The following DNAJB6 variants were observed in gnomAD, a reference collection of about 807,000 sequenced individuals.
DNAJB6 encodes the protein dnaJ homolog subfamily B member 6.
DNAJB6 carries 16 observed loss-of-function variants against 42.7 expected under a neutral mutation model. The ratio of observed to expected loss-of-function variants is 0.37; its 90% CI spans 0.25 to 0.57. The LOEUF (loss-of-function observed/expected upper bound fraction) is 0.57. Among genes scored for constraint, DNAJB6 ranks in the 20% least tolerant of loss-of-function variants. The probability of loss-of-function intolerance (pLI) is 0.74; values close to 1 mark genes in which losing one functional copy is unlikely to be tolerated. For missense variants in DNAJB6, 347 were observed against 416.8 expected, an observed-to-expected ratio of 0.83 and a Z score of 1.46; for synonymous variants, 170 against 163.5, an observed-to-expected ratio of 1.04 and a Z score of -0.30.
At chr7:157,393,329 C>G (rs997474560) in intron 8 of DNAJB6, among the ~76,000 whole-genome samples, 4 of 152,104 alleles carry the variant, frequency 2.6e-5, no homozygotes, top group Non-Finnish European at 5.9e-5. Context: ...AATTGGAAAA[C>G]TCTATAAATT....
intron 8 of DNAJB6, among the ~76,000 whole-genome samples, chr7:157,404,700 G>T (rs557758326): frequency 6.6e-6 from 1 of 151,534 alleles, no homozygotes; most frequent in Non-Finnish European, 1.5e-5. Flanking sequence ...TAGTAGAGAC[G>T]GGGTCATGTT....
At position 157,337,078 on chromosome 7, in the gene DNAJB6, G is replaced by T. The variant is rs886062126; in HGVS notation, c.-93G>T. The T allele has an allele frequency of 1.3e-5, 2 of 152,694 alleles. No homozygotes were observed. Among genetic ancestry groups the T allele is most frequent in the Non-Finnish European group, 2.9e-5 (2 of 68,446 alleles). 9.5% of individuals were successfully genotyped at this position (152,694 alleles called of 1,614,324 possible). A position where few individuals can be genotyped will look rare whatever the true frequency, so the allele number is the denominator to read the frequency against. On this transcript the variant is annotated 5_prime_UTR_variant, in exon 1 of 10. Transcript: ENST00000262177. ...CCACCACCAGCGCAGCAGTCCTGGAGCTGTGAGGAGATTCGGGCCGTCACC... is the reference window on the plus strand; with the variant it reads ...CCACCACCAGCGCAGCAGTCCTGGATCTGTGAGGAGATTCGGGCCGTCACC...
intron 8 of DNAJB6, among the ~76,000 whole-genome samples, chr7:157,407,887 G>A (rs906591203): frequency 9.9e-5 from 15 of 152,200 alleles, no homozygotes; most frequent in Non-Finnish European, 1.5e-5. Flanking sequence ...CTCGCTCCCA[G>A]CCTGCAACTG....
intron 5 of DNAJB6, among the ~76,000 whole-genome samples, chr7:157,375,339 A>G (rs1563132712): frequency 1.3e-5 from 2 of 152,232 alleles, no homozygotes; most frequent in Non-Finnish European, 2.9e-5. Flanking sequence ...TCCTGACGCC[A>G]GAGTTCCTCA....
chr7:157,416,982 T>C lies in DNAJB6; in HGVS notation c.*884T>C, dbSNP rs1029563605. 6 of 152,238 alleles carry C rather than the reference T, an allele frequency of 3.9e-5. No homozygotes were observed. Among genetic ancestry groups the C allele is most frequent in the Admixed American group, 1.3e-4 (2 of 15,292 alleles). The allele number at this position is 152,238 out of a possible 1,614,324, so 9.4% of individuals were successfully genotyped here. ...ACTTCCGGTCATTATTTCGTTTGCA[T>C]GATGTATTGCTTCTTCACGTTTTGT... On this transcript the variant is annotated 3_prime_UTR_variant, in exon 10 of 10. Transcript: ENST00000262177.
chr7:157,388,142 G>C (rs1380305890), intron 8 of DNAJB6, among the ~76,000 whole-genome samples: 1 of 152,144 alleles, frequency 6.6e-6, no homozygotes, highest in East Asian at 1.9e-4. Context: ...CACTGCGCCT[G>C]GCTGAGAAAA....
chr7:157,402,734 A>C (rs1029087268), intron 8 of DNAJB6, among the ~76,000 whole-genome samples: 1 of 152,116 alleles, frequency 6.6e-6, no homozygotes, highest in Non-Finnish European at 1.5e-5. Context: ...CAAATAAGGA[A>C]TATGGGGCCT....
At chr7:157,356,885 C>T (rs753559061) in intron 1 of DNAJB6, among the ~76,000 whole-genome samples, 3 of 152,128 alleles carry the variant, frequency 2.0e-5, no homozygotes, top group Non-Finnish European at 4.4e-5. Context: ...ATGTACATTT[C>T]TTTTCTAAGT....
chr7:157,372,478 C>G (rs908820855), intron 5 of DNAJB6, among the ~76,000 whole-genome samples: 1 of 152,204 alleles, frequency 6.6e-6, no homozygotes, highest in Non-Finnish European at 1.5e-5. Context: ...GCTGCCGGCA[C>G]CACCATAAAG....
chr7:157,383,002 T>C (rs962601019), intron 6 of DNAJB6, among the ~76,000 whole-genome samples: 1 of 152,026 alleles, frequency 6.6e-6, no homozygotes. Flanking sequence ...TTTTTTTTTG[T>C]TGTGTTTTGT....
intron 8 of DNAJB6, among the ~76,000 whole-genome samples, chr7:157,401,818 G>T (rs186731692): frequency 6.6e-6 from 1 of 152,200 alleles, no homozygotes; most frequent in Admixed American, 6.5e-5. Context: ...CTGCAGCAGC[G>T]GCCCTCCTGC....
chr7:157,406,075 G>A (rs369249826), intron 8 of DNAJB6, among the ~76,000 whole-genome samples: 41 of 152,358 alleles, frequency 2.7e-4, no homozygotes, highest in African/African-American at 9.1e-4. Context: ...TAGAACCATC[G>A]AGGCCGAATC....
chr7:157,390,381 T>A (rs1009056087), intron 8 of DNAJB6, among the ~76,000 whole-genome samples: 1 of 152,222 alleles, frequency 6.6e-6, no homozygotes, highest in African/African-American at 2.4e-5. Context: ...TCGCGTCCTT[T>A]TCTGCCCTGT....
chr7:157,342,372 T>C (rs1387612638), intron 1 of DNAJB6, among the ~76,000 whole-genome samples: 4 of 132,316 alleles, frequency 3.0e-5, no homozygotes, highest in Non-Finnish European at 6.6e-5. Context: ...AGTTTCACTC[T>C]TGTTGCCCAG....
chr7:157,416,338 C>T lies in DNAJB6; in HGVS notation c.*240C>T, dbSNP rs1250752558. 9.4e-6 allele frequency: 5 copies of T among 534,012 alleles called. No homozygotes were observed. The highest frequency in any genetic ancestry group is 1.3e-5 in the Non-Finnish European group (4 of 301,980). 33.1% of individuals were successfully genotyped at this position (534,012 alleles called of 1,614,324 possible). On this transcript the variant is annotated 3_prime_UTR_variant, in exon 10 of 10. Transcript: ENST00000262177. ...CGACTCTCTGCTTCTCTCCAGCTCTCAATCTGCTGCATTTTCCTCTAGTGC... is the reference window on the plus strand; with the variant it reads ...CGACTCTCTGCTTCTCTCCAGCTCTTAATCTGCTGCATTTTCCTCTAGTGC...
intron 3 of DNAJB6, among the ~76,000 whole-genome samples, chr7:157,363,553 G>C (rs1437201956): frequency 6.6e-6 from 1 of 152,184 alleles, no homozygotes; most frequent in Non-Finnish European, 1.5e-5. Flanking sequence ...ACCTGGGAGA[G>C]AGGAGGTTGC....
At chr7:157,381,717 A>G (rs970390782) in intron 5 of DNAJB6, 1 of 151,502 alleles carries the variant, frequency 6.6e-6, no homozygotes, top group Non-Finnish European at 1.5e-5. Context: ...AGGTATTTAC[A>G]CTTAGCTTAC....
At chr7:157,361,988 A>G (rs1363234015) in intron 2 of DNAJB6, among the ~76,000 whole-genome samples, 1 of 151,726 alleles carries the variant, frequency 6.6e-6, no homozygotes, top group Non-Finnish European at 1.5e-5. Flanking sequence ...TTGGTCTCGA[A>G]CTCCTGACCT....
chr7:157,366,688 C>CTAAA, intron 4 of DNAJB6, 127 bp downstream of exon 4: 1 of 813,862 alleles, frequency 1.2e-6, no homozygotes, highest in African/African-American at 1.7e-5. Context: ...AGAAAGCGAA[C>CTAAA]TAAATTGGGG....
Sources: gnomAD v4.1 joint callset for allele counts (sites outside exome capture counted in the v4.1 genomes callset) on GRCh38, gnomAD v4.1.1 for gene constraint, MANE v1.5 for transcripts, NCBI Gene and HGNC (gene_info 2026-07-23, HGNC 2026-07-21) for gene names.